DLG5: variants seen among roughly 807,000 people sequenced by gnomAD.
DLG5 encodes the protein discs large MAGUK scaffold protein 5, also known as disks large homolog 5.
A neutral mutation model predicts 189.8 loss-of-function variants in DLG5; 48 were observed. The ratio of observed to expected loss-of-function variants is 0.25; its 90% CI spans 0.20 to 0.32. The LOEUF is 0.32. Ranked by LOEUF, DLG5 falls within the 10% of genes least tolerant of loss-of-function variation. DLG5 has a pLI of 1.00. For synonymous variants in DLG5, 1,016 were observed against 1,054.1 expected (o/e 0.96, Z 0.70); for missense variants, 2,160 against 2,544.7 (o/e 0.85, Z 3.25).
chr10:77,829,081 G>A, intron 12 of DLG5, 96 bp from the exon 13 acceptor site: 1 of 1,365,134 alleles, frequency 7.3e-7, no homozygotes, highest in Non-Finnish European at 1.0e-6. Flanking sequence ...TTACAAAAGA[G>A]GATGTCAGCA....
At position 77,796,493 on chromosome 10, in the gene DLG5, G is replaced by C. The variant is rs2154574814; in HGVS notation, c.5266C>G (p.Leu1756Val). The C allele has an allele frequency of 6.2e-7, 1 of 1,614,204 alleles. No individual in the cohort carries two copies. The highest frequency in any genetic ancestry group is 2.2e-5 in the East Asian group (1 of 44,884). The change falls in exon 28 of 32, where the codon CTG becomes GTG. Residue 1756 changes from leucine (L) to valine (V), a missense_variant. By Grantham distance (32) the Leu-to-Val change is conservative. Transcript: ENST00000372391. The surrounding 1 kb of genome is among the most constrained non-coding windows in gnomAD (Gnocchi z 5.2). ...AACTTGCCAGGAGCCTCATTCACCAGCATCTCCTTCACCACGTCCAGCAAA... is the reference window on the plus strand; with the variant it reads ...AACTTGCCAGGAGCCTCATTCACCACCATCTCCTTCACCACGTCCAGCAAA... ...GPLLDVVKEM[L>V]VNEAPGKFCR... is the part of the protein sequence containing the mutation.
intron 5 of DLG5, among the ~76,000 whole-genome samples, chr10:77,852,349 C>T (rs1458969226): frequency 1.3e-5 from 2 of 151,944 alleles, no homozygotes; most frequent in African/African-American, 2.4e-5. Context: ...CCAGCCTGGG[C>T]GACAGAGCGA....
chr10:77,901,405 T>C (rs1845923016), intron 1 of DLG5, among the ~76,000 whole-genome samples: 1 of 152,212 alleles, frequency 6.6e-6, no homozygotes, highest in South Asian at 2.1e-4. Context: ...AGTAGCATCC[T>C]GGAGGTTACA....
chr10:77,891,913 C>T (rs1845620999), intron 1 of DLG5, among the ~76,000 whole-genome samples: 1 of 152,330 alleles, frequency 6.6e-6, no homozygotes, highest in South Asian at 2.1e-4. Flanking sequence ...AAGGGGGAAC[C>T]CTCAGGGATC....
At chr10:77,801,029 T>C (rs1371982281) in intron 27 of DLG5, among the ~76,000 whole-genome samples, 1 of 152,204 alleles carries the variant, frequency 6.6e-6, no homozygotes, top group Non-Finnish European at 1.5e-5. Flanking sequence ...AGACCCTCTC[T>C]GGAAGCTGGC....
chr10:77,924,559 G>A (rs1846630100), intron 1 of DLG5, among the ~76,000 whole-genome samples: 1 of 152,160 alleles, frequency 6.6e-6, no homozygotes, highest in Non-Finnish European at 1.5e-5. Context: ...TCTTCATTCA[G>A]AGATAGATTA....
At chr10:77,822,175 C>G in intron 14 of DLG5, 74 bp from the exon 15 acceptor site, 9 of 1,528,246 alleles carry the variant, frequency 5.9e-6, no homozygotes, top group Non-Finnish European at 7.9e-6. Flanking sequence ...AAAACCATCC[C>G]CAGAGGTAAA....
At chr10:77,914,495 C>T (rs185156808) in intron 1 of DLG5, among the ~76,000 whole-genome samples, 96 of 152,256 alleles carry the variant, frequency 6.3e-4, no homozygotes, top group Admixed American at 5.2e-3. Context: ...GGAGGTTAAG[C>T]GACTTGAAGT....
At chr10:77,912,486 G>A (rs192525201) in intron 1 of DLG5, 34 of 151,910 alleles carry the variant, frequency 2.2e-4, no homozygotes, top group Admixed American at 1.6e-3. Context: ...GGGCTCAAGC[G>A]ATCCTCCCTC....
At chr10:77,849,389 C>T (rs1843851949) in intron 5 of DLG5, among the ~76,000 whole-genome samples, 1 of 152,238 alleles carries the variant, frequency 6.6e-6, no homozygotes, top group Non-Finnish European at 1.5e-5. Flanking sequence ...CTGCTGCTGG[C>T]CTACTGCCAC....
chr10:77,838,741 C>T, intron 7 of DLG5, among the ~76,000 whole-genome samples: 1 of 152,188 alleles, frequency 6.6e-6, no homozygotes, highest in Non-Finnish European at 1.5e-5. Context: ...TGCCAGAAGG[C>T]CCCCCACAGC....
At position 77,819,750 on chromosome 10, in the gene DLG5, G is replaced by A. The variant is rs1272152132; in HGVS notation, c.3526+145C>T. 9 of 1,353,102 alleles carry A rather than the reference G, an allele frequency of 6.7e-6. No homozygotes were observed. In the East Asian group the frequency reaches 1.9e-4, roughly 28 times the overall value. The allele number at this position is 1,353,102 out of a possible 1,614,324, so 83.8% of individuals were successfully genotyped here. ...CATGGCTATAAGACAAACCATCCCA[G>A]ACAGGACAGCATTTCCCAGTTCTCT... is the stretch of plus-strand genomic sequence containing the variant. On this transcript the variant is annotated intron_variant, in intron 16 of 31. Coordinates refer to ENST00000372391, the MANE Select transcript of DLG5 (RefSeq NM_004747.4).
chr10:77,795,372 T>C (rs1054040847), intron 29 of DLG5, among the ~76,000 whole-genome samples: 9 of 152,120 alleles, frequency 5.9e-5, no homozygotes, highest in Non-Finnish European at 1.0e-4. Flanking sequence ...GTCCCAGGCA[T>C]CCAGGTGGAG....
intron 3 of DLG5, among the ~76,000 whole-genome samples, chr10:77,856,529 T>C (rs114505748): frequency 2.7e-3 from 406 of 151,660 alleles, no homozygotes; most frequent in African/African-American, 8.6e-3. Flanking sequence ...TTGCCACATG[T>C]GGGATGGGGA....
At chr10:77,885,748 A>G (rs1222472627) in intron 1 of DLG5, among the ~76,000 whole-genome samples, 1 of 152,224 alleles carries the variant, frequency 6.6e-6, no homozygotes, top group South Asian at 2.1e-4. Context: ...TTTTCTAGTC[A>G]GACTTCAGCC....
At chr10:77,878,766 T>C (rs1845182773) in intron 1 of DLG5, among the ~76,000 whole-genome samples, 1 of 152,208 alleles carries the variant, frequency 6.6e-6, no homozygotes, top group Non-Finnish European at 1.5e-5. Context: ...TTATGATTTC[T>C]GGTTCTCTGG....
At chr10:77,861,290 AG>A (rs1844459762) in intron 2 of DLG5, among the ~76,000 whole-genome samples, 1 of 152,240 alleles carries the variant, frequency 6.6e-6, no homozygotes, top group Non-Finnish European at 1.5e-5. Flanking sequence ...TCTATGCTAT[AG>A]TCAAGTTCAA....
At chr10:77,913,636 T>C (rs966407069) in intron 1 of DLG5, among the ~76,000 whole-genome samples, 2 of 152,200 alleles carry the variant, frequency 1.3e-5, no homozygotes, top group Non-Finnish European at 1.5e-5. Flanking sequence ...TCTCCCAGGC[T>C]GGAGTGCAGT....
chr10:77,888,531 T>C (rs1186616056), intron 1 of DLG5, among the ~76,000 whole-genome samples: 2 of 152,204 alleles, frequency 1.3e-5, no homozygotes, highest in Admixed American at 1.3e-4. Context: ...GGCGGAGCTT[T>C]GCGACATAGT....
Sources: allele counts gnomAD v4.1 joint callset (sites outside exome capture counted in the v4.1 genomes callset), GRCh38; gene constraint gnomAD v4.1.1; non-coding constraint Gnocchi (gnomAD v3.1); transcripts MANE v1.5; gene names NCBI Gene and HGNC (gene_info 2026-07-23, HGNC 2026-07-21).